DDX21: variants seen among roughly 807,000 people sequenced by gnomAD.
DDX21 encodes nucleolar RNA helicase 2.
A neutral mutation model predicts 90.0 loss-of-function variants in DDX21; 18 were observed. The observed-to-expected ratio is 0.20, with a 90% CI of 0.14 to 0.30. The LOEUF (loss-of-function observed/expected upper bound fraction) is 0.30. Among genes scored for constraint, DDX21 ranks in the 10% least tolerant of loss-of-function variants. DDX21 has a pLI of 1.00. For synonymous variants in DDX21, 294 were observed against 318.0 expected, an observed-to-expected ratio of 0.92 and a Z score of 0.80; for missense variants, 673 against 944.5, an observed-to-expected ratio of 0.71 and a Z score of 3.77.
chr10:68,979,123 G>T, intron 13 of DDX21, 147 bp downstream of exon 13: 1 of 1,117,008 alleles, frequency 9.0e-7, no homozygotes, highest in Non-Finnish European at 1.3e-6. Flanking sequence ...ATCCTCAGAT[G>T]CCACTCTGCC....
At chr10:68,963,569 C>A in intron 4 of DDX21, 100 bp downstream of exon 4, 2 of 1,076,568 alleles carry the variant, frequency 1.9e-6, no homozygotes, top group South Asian at 2.0e-5. Context: ...TTCTTATAGT[C>A]ACCCATTCTA....
Position 68,969,127 on chromosome 10 carries a change from T to C in DDX21, c.1236+6T>C. 1 of 1,603,392 alleles carries C rather than the reference T, an allele frequency of 6.2e-7. No individual in the cohort carries two copies. Among genetic ancestry groups the C allele is most frequent in the Non-Finnish European group, 8.5e-7 (1 of 1,177,796 alleles). ...AAACGGCAATAACTGTGGAGGTAAA[T>C]TATTTACTTAGTTGCCAGAATATAA... On this transcript the variant is annotated splice_donor_region_variant and intron_variant, in intron 7 of 14. Transcript: ENST00000354185.
intron 1 of DDX21, 194 bp downstream of exon 1, chr10:68,956,506 C>A (rs1419043265): frequency 7.0e-7 from 1 of 1,434,320 alleles, no homozygotes; most frequent in South Asian, 1.4e-5. Context: ...GTTTGCCCGA[C>A]CGAGCCAGGT....
At chr10:68,965,313 T>A in intron 4 of DDX21, 64 bp from the exon 5 acceptor site, 1 of 1,303,444 alleles carries the variant, frequency 7.7e-7, no homozygotes, top group Admixed American at 1.8e-5. Flanking sequence ...TGCTGTTCTT[T>A]AAGGACTAGA....
chr10:68,962,027 CTATTAATT>C, intron 2 of DDX21, 47 bp from the exon 3 acceptor site: 3 of 1,351,678 alleles, frequency 2.2e-6, no homozygotes, highest in Non-Finnish European at 3.1e-6. Flanking sequence ...AGAAGGTTCT[CTATTAATT>C]TGTGTAGGTG....
At chr10:68,965,287 C>G (rs1363194747) in intron 4 of DDX21, 90 bp from the exon 5 acceptor site, 2 of 977,678 alleles carry the variant, frequency 2.0e-6, no homozygotes, top group Non-Finnish European at 3.1e-6. Context: ...TTGTTCAAGT[C>G]GTTCTTTTCC....
At chr10:68,968,349 T>C in intron 6 of DDX21, among the ~76,000 whole-genome samples, 1 of 152,176 alleles carries the variant, frequency 6.6e-6, no homozygotes, top group Non-Finnish European at 1.5e-5. Context: ...AGACAGGGTC[T>C]CACTGTGTTG....
intron 9 of DDX21, among the ~76,000 whole-genome samples, chr10:68,973,261 A>G (rs1843051717): frequency 1.3e-5 from 2 of 152,322 alleles, no homozygotes; most frequent in South Asian, 4.1e-4. Context: ...AAATCTTTTC[A>G]GTCTGTCTAC....
chr10:68,978,712 ATTGT>A (rs1843142779), intron 12 of DDX21, 126 bp from the exon 13 acceptor site: 9 of 1,221,018 alleles, frequency 7.4e-6, no homozygotes, highest in Non-Finnish European at 1.0e-5. Flanking sequence ...GTTCGTACTA[ATTGT>A]TTGTGTGAGA....
chr10:68,974,014 A>G (rs1843060989), intron 10 of DDX21, among the ~76,000 whole-genome samples: 2 of 152,218 alleles, frequency 1.3e-5, no homozygotes, highest in Admixed American at 1.3e-4. Flanking sequence ...TTCCTCCAGG[A>G]GAATTGGAAT....
chr10:68,961,185 T>C (rs1842868561), intron 2 of DDX21, among the ~76,000 whole-genome samples: 1 of 152,236 alleles, frequency 6.6e-6, no homozygotes, highest in Non-Finnish European at 1.5e-5. Context: ...TAATCCCGCC[T>C]AAGCCTCCCG....
chr10:68,979,414 GT>G (rs1374038408), intron 13 of DDX21, among the ~76,000 whole-genome samples: 26 of 152,054 alleles, frequency 1.7e-4, no homozygotes, highest in African/African-American at 6.0e-4. Context: ...AAACATTTTG[GT>G]TTCACAATCC....
At chr10:68,980,426 A>G (rs191877566) in intron 13 of DDX21, among the ~76,000 whole-genome samples, 22 of 152,242 alleles carry the variant, frequency 1.4e-4, no homozygotes, top group Admixed American at 1.3e-3. Context: ...CCTCAAGAAC[A>G]CTCAAAGGCA....
At position 68,984,087 on chromosome 10, in the gene DDX21, G is replaced by A. The variant is rs1843233815; in HGVS notation, c.*1275G>A. 1 of 152,152 alleles carries A rather than the reference G, an allele frequency of 6.6e-6. No individual in the cohort carries two copies. Among genetic ancestry groups the A allele is most frequent in the African/African-American group, 2.4e-5 (1 of 41,442 alleles). 9.4% of individuals were successfully genotyped at this position (152,152 alleles called of 1,614,324 possible). A position where few individuals can be genotyped will look rare whatever the true frequency, so the allele number is the denominator to read the frequency against. Reference sequence around the variant, plus strand: ...CTGATTTCTCAGATATTATTTCTCTGGGAAACATTCTACATAGCACAGGAG... The same window carrying A: ...CTGATTTCTCAGATATTATTTCTCTAGGAAACATTCTACATAGCACAGGAG... On this transcript the variant is annotated 3_prime_UTR_variant, in exon 15 of 15. Transcript: ENST00000354185.
rs534786716 is a variant in DDX21, at chr10:68,961,182, G to A, written c.532-900G>A. Among the ~76,000 whole-genome samples the A allele has an allele frequency of 1.8e-3, 275 of 152,220 alleles. 1 individual carries two copies. Among genetic ancestry groups the A allele is most frequent in the African/African-American group, 6.4e-3 (266 of 41,514 alleles). ...ACTTGTGGCTTCAAGCGATAATCCC[G>A]CCTAAGCCTCCCGAGTAGCTGGGAT... On this transcript the variant is annotated intron_variant, in intron 2 of 14. Transcript: ENST00000354185.
At chr10:68,960,383 C>A in intron 2 of DDX21, 134 bp downstream of exon 2, 1 of 804,808 alleles carries the variant, frequency 1.2e-6, no homozygotes, top group Non-Finnish European at 1.8e-6. Flanking sequence ...TGGGGGATAC[C>A]TTAGGCTGAC....
intron 11 of DDX21, among the ~76,000 whole-genome samples, chr10:68,977,282 C>T (rs375022467): frequency 1.3e-5 from 2 of 152,010 alleles, no homozygotes; most frequent in South Asian, 2.1e-4. Context: ...TAAGTAACAC[C>T]GTGGTGAACT....
intron 11 of DDX21, among the ~76,000 whole-genome samples, chr10:68,976,681 T>C (rs1305337719): frequency 6.6e-6 from 1 of 152,134 alleles, no homozygotes; most frequent in African/African-American, 2.4e-5. Flanking sequence ...GGGTGCCAGT[T>C]AAGGAGAGTT....
chr10:68,966,877 A>G (rs1194514658), intron 5 of DDX21, 141 bp from the exon 6 acceptor site: 6 of 560,236 alleles, frequency 1.1e-5, no homozygotes, highest in Non-Finnish European at 5.7e-6. Context: ...GAGTATCTTT[A>G]TCATTATTAC....
Sources: allele counts gnomAD v4.1 joint callset (sites outside exome capture counted in the v4.1 genomes callset), GRCh38; gene constraint gnomAD v4.1.1; transcripts MANE v1.5; gene names NCBI Gene and HGNC (gene_info 2026-07-23, HGNC 2026-07-21).